The following HIVEP2 variants were observed in gnomAD, a reference collection of about 807,000 sequenced individuals.
HIVEP2 encodes transcription factor HIVEP2.
HIVEP2 carries 14 observed loss-of-function variants against 180.7 expected under a neutral mutation model. The observed-to-expected ratio is 0.08, with a 90% CI of 0.05 to 0.12. The LOEUF is 0.12. HIVEP2 is among the 10% of genes least tolerant of loss of function. The probability of loss-of-function intolerance (pLI) is 1.00; values close to 1 mark genes in which losing one functional copy is unlikely to be tolerated. For missense variants in HIVEP2, 2,579 were observed against 3,008.5 expected (o/e 0.86, Z 3.34); for synonymous variants, 1,184 against 1,136.4 (o/e 1.04, Z -0.84).
At chr6:142,818,785 G>GAAAAAGA (rs1562249265) in intron 2 of HIVEP2, among the ~76,000 whole-genome samples, 1 of 130,288 alleles carries the variant, frequency 7.7e-6, no homozygotes, top group Non-Finnish European at 1.6e-5. Context: ...AAGAAAGAAA[G>GAAAAAGA]AAAGAAAAAG....
chr6:142,823,112 G>C (rs1241717457), intron 2 of HIVEP2, among the ~76,000 whole-genome samples: 2 of 152,066 alleles, frequency 1.3e-5, no homozygotes, highest in African/African-American at 4.8e-5. Context: ...TCCCCCTAGC[G>C]TCCTCAGGAA....
At chr6:142,850,610 T>C (rs1775623540) in intron 1 of HIVEP2, among the ~76,000 whole-genome samples, 1 of 152,238 alleles carries the variant, frequency 6.6e-6, no homozygotes, top group African/African-American at 2.4e-5. Flanking sequence ...AAACTAAGTT[T>C]AAATTGTGCA....
chr6:142,802,976 G>A (rs1776450575), intron 2 of HIVEP2, among the ~76,000 whole-genome samples: 1 of 152,020 alleles, frequency 6.6e-6, no homozygotes, highest in Non-Finnish European at 1.5e-5. Context: ...CTGACCAAAT[G>A]TATGAATTAA....
intron 2 of HIVEP2, among the ~76,000 whole-genome samples, chr6:142,803,043 A>G (rs1424879181): frequency 6.6e-6 from 1 of 152,192 alleles, no homozygotes; most frequent in Admixed American, 6.5e-5. Context: ...GAATGAATGC[A>G]GGGTCTTTTA....
chr6:142,772,876 T>C lies in HIVEP2; in HGVS notation c.1863A>G (p.Ser621=). 6.2e-7 allele frequency: 1 copy of C among 1,614,208 alleles called. No homozygotes were observed. The highest frequency in any genetic ancestry group is 8.5e-7 in the Non-Finnish European group (1 of 1,180,024). ...HGRMLKGISS[S]SLKEKKLSPG... ...GAGACAATTTCTTTTCCTTCAGGGA[T>C]GAACTGCTGATACCCTTCAACATCC... The change falls in exon 5 of 10, where the codon TCA becomes TCG. Residue 621 remains serine, a synonymous_variant. Coordinates refer to ENST00000367603, the MANE Select transcript of HIVEP2 (RefSeq NM_006734.4). This position sits in a 1 kb window ranked among gnomAD's most constrained non-coding sequence, Gnocchi z 4.9.
chr6:142,789,566 C>A (rs1234192091), intron 2 of HIVEP2, among the ~76,000 whole-genome samples: 2 of 152,180 alleles, frequency 1.3e-5, no homozygotes, highest in Non-Finnish European at 2.9e-5. Flanking sequence ...ATCTATCAGG[C>A]AACTAACAAA....
intron 1 of HIVEP2, 122 bp downstream of exon 1, chr6:142,944,977 C>T (rs1441957306): frequency 1.3e-5 from 2 of 151,210 alleles, no homozygotes; most frequent in South Asian, 2.1e-4. Flanking sequence ...AAGGGAGTCA[C>T]TGAAATGCCC....
At chr6:142,853,222 G>A (rs1775735153) in intron 1 of HIVEP2, among the ~76,000 whole-genome samples, 1 of 152,008 alleles carries the variant, frequency 6.6e-6, no homozygotes, top group Non-Finnish European at 1.5e-5. Context: ...TTCCACATCA[G>A]AGAAGCAAAC....
chr6:142,837,469 A>G (rs1775254313), intron 1 of HIVEP2, among the ~76,000 whole-genome samples: 1 of 152,104 alleles, frequency 6.6e-6, no homozygotes, highest in Non-Finnish European at 1.5e-5. Context: ...ATTAAGCCCT[A>G]GCTACATGCA....
chr6:142,928,796 A>G (rs1777873949), intron 1 of HIVEP2, among the ~76,000 whole-genome samples: 1 of 152,214 alleles, frequency 6.6e-6, no homozygotes, highest in Non-Finnish European at 1.5e-5. Flanking sequence ...CTGAAAAGCA[A>G]TCGCAAACTC....
chr6:142,927,033 C>A (rs1273533109), intron 1 of HIVEP2, among the ~76,000 whole-genome samples: 4 of 151,400 alleles, frequency 2.6e-5, no homozygotes, highest in Non-Finnish European at 5.9e-5. Flanking sequence ...GGCGGGCGGC[C>A]AGGGCTCCCC....
rs758699966 is a variant in HIVEP2, at chr6:142,892,862, T to C, written c.-641+52237A>G. ...GACTTCCAGGACTGAGCTCTACAGTTATCATCCCACTTAAATGCTCGCTAC... is the reference window on the plus strand; with the variant it reads ...GACTTCCAGGACTGAGCTCTACAGTCATCATCCCACTTAAATGCTCGCTAC... On this transcript the variant is annotated intron_variant, in intron 1 of 9. Coordinates refer to ENST00000367603, the MANE Select transcript of HIVEP2 (RefSeq NM_006734.4). 6.0e-4 allele frequency among the ~76,000 whole-genome samples: 91 copies of C among 152,134 alleles called. 3 individuals are homozygous for C. Among genetic ancestry groups the C allele is most frequent in the Non-Finnish European group, 1.2e-4 (8 of 68,038 alleles).
At chr6:142,814,560 C>T (rs903452862) in intron 2 of HIVEP2, among the ~76,000 whole-genome samples, 9 of 152,060 alleles carry the variant, frequency 5.9e-5, no homozygotes, top group Middle Eastern at 3.4e-3. Flanking sequence ...ATTTGGGAAT[C>T]GGTTATATGT....
chr6:142,818,785 GAAAGAAAAAGA>G (rs1322246761), intron 2 of HIVEP2, among the ~76,000 whole-genome samples: 23 of 130,380 alleles, frequency 1.8e-4, no homozygotes, highest in South Asian at 4.9e-4. Context: ...AAGAAAGAAA[GAAAGAAAAAGA>G]AAAGAAAAAG....
At chr6:142,803,830 A>T (rs576265709) in intron 2 of HIVEP2, among the ~76,000 whole-genome samples, 1 of 152,222 alleles carries the variant, frequency 6.6e-6, no homozygotes, top group Admixed American at 6.5e-5. Context: ...CACCCAGTGT[A>T]TGGGAACATC....
chr6:142,832,083 T>C (rs1415562978), intron 2 of HIVEP2, among the ~76,000 whole-genome samples: 1 of 150,760 alleles, frequency 6.6e-6, no homozygotes, highest in Non-Finnish European at 1.5e-5. Context: ...TACCAGCTAC[T>C]AGGGAGGCTG....
chr6:142,838,023 A>G (rs1775268323), intron 1 of HIVEP2, among the ~76,000 whole-genome samples: 1 of 152,108 alleles, frequency 6.6e-6, no homozygotes. Context: ...TTGGCCATGC[A>G]CTGCCACTCC....
chr6:142,770,979 T>G lies in HIVEP2; in HGVS notation c.3760A>C (p.Ser1254Arg). 1 of 1,614,182 alleles carries G rather than the reference T, an allele frequency of 6.2e-7. No homozygotes were observed. Residue 1254 changes from serine (S) to arginine (R), a missense_variant, in exon 5 of 10, where the codon AGC becomes CGC. By Grantham distance (110) the Ser-to-Arg change is moderately radical. Around this residue, in one of 11 missense-constraint regions of HIVEP2, gnomAD observed 523 missense variants for 577.0 expected, o/e 0.91. Coordinates refer to ENST00000367603, the MANE Select transcript of HIVEP2 (RefSeq NM_006734.4). This position sits in a 1 kb window ranked among gnomAD's most constrained non-coding sequence, Gnocchi z 4.7. ...TCTGCCACATGCTCTAAGGGATAGC[T>G]CGAATGGATTTCTGTCTGAAAAGAG... ...KPSFQTEIHSSYPLEHVAEHT... is the reference protein window; with the variant it reads ...KPSFQTEIHSRYPLEHVAEHT...
intron 1 of HIVEP2, among the ~76,000 whole-genome samples, chr6:142,872,403 G>C (rs1046181742): frequency 1.1e-4 from 17 of 152,122 alleles, no homozygotes; most frequent in African/African-American, 3.9e-4. Flanking sequence ...CCTAAATGCA[G>C]GCAGCTGTTG....
Sources: gnomAD v4.1 joint callset for allele counts (sites outside exome capture counted in the v4.1 genomes callset) on GRCh38, gnomAD v4.1.1 for gene constraint, gnomAD v4.1.1 regional missense constraint, Gnocchi (gnomAD v3.1) non-coding constraint, MANE v1.5 for transcripts, NCBI Gene and HGNC (gene_info 2026-07-23, HGNC 2026-07-21) for gene names.